The following FBXL17 variants were observed in gnomAD, a reference collection of about 807,000 sequenced individuals.
FBXL17 encodes the protein F-box and leucine rich repeat protein 17.
In FBXL17, 22 loss-of-function variants were observed where a neutral mutation model predicts 66.2. The ratio of observed to expected loss-of-function variants is 0.33; its 90% confidence interval spans 0.24 to 0.47. The LOEUF (loss-of-function observed/expected upper bound fraction) is 0.47, where lower values mean the gene tolerates loss of function less well. Ranked by LOEUF, FBXL17 falls within the 20% of genes least tolerant of loss-of-function variation. FBXL17 has a pLI of 1.00. For missense variants in FBXL17, 878 were observed against 948.2 expected (o/e 0.93, Z 0.97); for synonymous variants, 474 against 400.5 (o/e 1.18, Z -2.19).
chr5:108,253,007 A>G (rs1756422897), intron 4 of FBXL17, among the ~76,000 whole-genome samples: 2 of 152,204 alleles, frequency 1.3e-5, no homozygotes, highest in Admixed American at 6.5e-5. Context: ...TTCTGTATCA[A>G]TGATCTGAGA....
At chr5:108,146,166 A>G (rs1262948276) in intron 6 of FBXL17, among the ~76,000 whole-genome samples, 2 of 151,598 alleles carry the variant, frequency 1.3e-5, no homozygotes, top group African/African-American at 4.9e-5. Flanking sequence ...CGAGAGGCAG[A>G]GCTTGCAGTG....
chr5:108,178,227 T>A (rs575415927), intron 6 of FBXL17, among the ~76,000 whole-genome samples: 1 of 152,012 alleles, frequency 6.6e-6, no homozygotes, highest in South Asian at 2.1e-4. Flanking sequence ...AAAAATTTTT[T>A]TATAAAGACG....
chr5:108,329,183 G>A lies in FBXL17; in HGVS notation c.1506+19216C>T, dbSNP rs972486814. 2.6e-5 allele frequency among the ~76,000 whole-genome samples: 4 copies of A among 151,912 alleles called. No homozygotes were observed. In the East Asian group the frequency reaches 5.8e-4, roughly 22 times the overall value. On this transcript the variant is annotated intron_variant, in intron 4 of 8. Transcript: ENST00000542267. ...GCTCTTTCTGGAAATAAACCCTACA[G>A]GAGAAACACAAGTAGAAATAAAAAT... is the stretch of plus-strand genomic sequence containing the variant.
At chr5:108,248,315 C>T (rs2910790) in intron 4 of FBXL17, among the ~76,000 whole-genome samples, 6,641 of 152,072 alleles carry the variant, frequency 0.044, 781 homozygotes, top group East Asian at 0.39. Context: ...ATAACCAAAA[C>T]GAAAAAGTCA....
chr5:108,041,478 G>A (rs967099810), intron 6 of FBXL17, among the ~76,000 whole-genome samples: 3 of 152,054 alleles, frequency 2.0e-5, no homozygotes, highest in East Asian at 1.9e-4. Flanking sequence ...GAGCAGTGGC[G>A]CAATCATAGC....
chr5:108,116,414 T>G (rs903998315), intron 6 of FBXL17, among the ~76,000 whole-genome samples: 2 of 149,648 alleles, frequency 1.3e-5, no homozygotes, highest in African/African-American at 4.9e-5. Flanking sequence ...CCAAGGAGGG[T>G]GGATCATGAG....
chr5:108,161,258 G>A (rs286775), intron 6 of FBXL17, among the ~76,000 whole-genome samples: 4,114 of 152,156 alleles, frequency 0.027, 206 homozygotes, highest in African/African-American at 0.093. Context: ...CCAGGTGGGC[G>A]GACTGCCTGA....
At chr5:108,334,225 A>C (rs1760269539) in intron 4 of FBXL17, among the ~76,000 whole-genome samples, 1 of 152,296 alleles carries the variant, frequency 6.6e-6, no homozygotes, top group Admixed American at 6.5e-5. Context: ...TTAAGCTTCC[A>C]CTCTGACTTC....
chr5:108,226,203 C>G (rs1755092739), intron 4 of FBXL17, among the ~76,000 whole-genome samples: 1 of 152,212 alleles, frequency 6.6e-6, no homozygotes, highest in Non-Finnish European at 1.5e-5. Context: ...GAATAACCAA[C>G]CATTCTGATT....
chr5:108,104,792 G>A (rs541479356), intron 6 of FBXL17, among the ~76,000 whole-genome samples: 170 of 152,310 alleles, frequency 1.1e-3, no homozygotes, highest in African/African-American at 3.8e-3. Flanking sequence ...AAGACTGGAA[G>A]GTTACACATA....
At chr5:108,229,374 G>A (rs541560400) in intron 4 of FBXL17, among the ~76,000 whole-genome samples, 1 of 152,258 alleles carries the variant, frequency 6.6e-6, no homozygotes, top group East Asian at 1.9e-4. Context: ...TACGCATATA[G>A]GCCAATGGAA....
intron 7 of FBXL17, among the ~76,000 whole-genome samples, chr5:107,988,373 A>G (rs969773644): frequency 2.6e-5 from 4 of 151,968 alleles, no homozygotes; most frequent in African/African-American, 7.2e-5. Context: ...TTTTTTTTCA[A>G]TCATTTTCTC....
intron 6 of FBXL17, 45 bp from the exon 7 acceptor site, chr5:108,021,046 A>G: frequency 7.2e-7 from 1 of 1,383,344 alleles, no homozygotes; most frequent in South Asian, 1.2e-5. Context: ...TTCAAGTTAA[A>G]TTAGCAGGGG....
chr5:107,910,262 G>T (rs2112545778), intron 7 of FBXL17, among the ~76,000 whole-genome samples: 1 of 152,226 alleles, frequency 6.6e-6, no homozygotes, highest in African/African-American at 2.4e-5. Flanking sequence ...TGACGCAAAT[G>T]AAGTAAATTA....
rs1750018345 is a variant in FBXL17 at position 108,382,056 on chromosome 5, T to C, written c.-365A>G. The C allele has an allele frequency of 1.1e-5, 9 of 822,520 alleles. No individual in the cohort carries two copies. Among genetic ancestry groups the C allele is most frequent in the Non-Finnish European group, 1.4e-5 (9 of 664,746 alleles). 51.0% of individuals were successfully genotyped at this position (822,520 alleles called of 1,614,324 possible). A position where few individuals can be genotyped will look rare whatever the true frequency, so the allele number is the denominator to read the frequency against. ...GAAAGGCCGGGTCCCGCTCGGACCA[T>C]TTTAACTGCGGATCCGCCGCCGGCG... On this transcript the variant is annotated 5_prime_UTR_variant, in exon 1 of 9. The change abolishes an upstream ATG in the 5' untranslated region. Coordinates refer to ENST00000542267, the MANE Select transcript of FBXL17 (RefSeq NM_001163315.3).
rs1302880920 is a variant in FBXL17, at chr5:108,381,211, G to C, written c.481C>G (p.Leu161Val). The change falls in exon 1 of 9, where the codon CTG becomes GTG. Residue 161 changes from leucine (L) to valine (V), a missense_variant. Around this residue, in one of 4 missense-constraint regions of FBXL17, gnomAD observed 605 missense variants for 509.5 expected, o/e 1.19. Coordinates refer to ENST00000542267, the MANE Select transcript of FBXL17 (RefSeq NM_001163315.3). ...AAGCGCACCGGCCCCAAGCTGGCCAGGAAGAGACTTCGGCCCTGCTGCTCC... is the reference window on the plus strand; with the variant it reads ...AAGCGCACCGGCCCCAAGCTGGCCACGAAGAGACTTCGGCCCTGCTGCTCC... Reference protein sequence around the residue: ...AWEQQGRSLFLASLGPVRFLG... With the variant: ...AWEQQGRSLFVASLGPVRFLG... 3 of 1,447,128 alleles carry C rather than the reference G, an allele frequency of 2.1e-6. No homozygotes were observed. The South Asian group carries it at 4.0e-5, about 19-fold the overall frequency. 89.6% of individuals were successfully genotyped at this position (1,447,128 alleles called of 1,614,324 possible).
intron 7 of FBXL17, among the ~76,000 whole-genome samples, chr5:107,977,152 C>T (rs578149222): frequency 6.6e-6 from 1 of 152,128 alleles, no homozygotes; most frequent in Non-Finnish European, 1.5e-5. Context: ...GGAGATAACT[C>T]TTCCTGAGAG....
chr5:108,298,284 C>A (rs1020610003), intron 4 of FBXL17: 56 of 984,682 alleles, frequency 5.7e-5, no homozygotes, highest in Non-Finnish European at 6.0e-5. Context: ...ACAAGACACA[C>A]AGAATTTGGC....
At chr5:108,287,826 C>T (rs139282987) in intron 4 of FBXL17, among the ~76,000 whole-genome samples, 214 of 152,040 alleles carry the variant, frequency 1.4e-3, no homozygotes, top group Non-Finnish European at 2.6e-3. Context: ...GTAAGTTCAT[C>T]ACAGCACTAT....
Sources: allele counts gnomAD v4.1 joint callset (sites outside exome capture counted in the v4.1 genomes callset), GRCh38; gene constraint gnomAD v4.1.1; regional missense constraint gnomAD v4.1.1; transcripts MANE v1.5; gene names NCBI Gene and HGNC (gene_info 2026-07-23, HGNC 2026-07-21).